The following LRMDA variants were observed in gnomAD, a reference collection of about 807,000 sequenced individuals.
The protein encoded by LRMDA is leucine rich melanocyte differentiation associated.
In LRMDA, 18 loss-of-function variants were observed where a neutral mutation model predicts 29.8. The observed-to-expected ratio is 0.60, with a 90% confidence interval of 0.42 to 0.90. The LOEUF (loss-of-function observed/expected upper bound fraction) is 0.90. Ranked by LOEUF, LRMDA falls within the 40% of genes least tolerant of loss-of-function variation. LRMDA has a pLI of 0.00. For missense variants in LRMDA, 273 were observed against 273.9 expected, an observed-to-expected ratio of 1.00 and a Z score of 0.02; for synonymous variants, 125 against 109.4, an observed-to-expected ratio of 1.14 and a Z score of -0.89.
At chr10:75,786,335 A>G (rs986748666) in intron 2 of LRMDA, among the ~76,000 whole-genome samples, 30 of 152,164 alleles carry the variant, frequency 2.0e-4, no homozygotes, top group Admixed American at 1.8e-3. Flanking sequence ...GGGCTCCAGA[A>G]CAAGTATCCA....
chr10:76,510,192 T>G (rs956502106), intron 6 of LRMDA, among the ~76,000 whole-genome samples: 4 of 152,092 alleles, frequency 2.6e-5, no homozygotes, highest in African/African-American at 9.7e-5. Context: ...TGCCTCAACC[T>G]CCTGAGTAGC....
At chr10:76,304,205 C>CA (rs1840520596) in intron 5 of LRMDA, among the ~76,000 whole-genome samples, 1 of 152,154 alleles carries the variant, frequency 6.6e-6, no homozygotes. Flanking sequence ...AAAGCTGAGC[C>CA]AAGCAGGTGC....
intron 6 of LRMDA, among the ~76,000 whole-genome samples, chr10:76,405,430 G>C (rs1589168742): frequency 1.3e-5 from 2 of 152,302 alleles, no homozygotes; most frequent in South Asian, 4.1e-4. Context: ...GTTCAGATGA[G>C]GGACAGGGGA....
intron 6 of LRMDA, among the ~76,000 whole-genome samples, chr10:76,453,280 A>G (rs1209157888): frequency 1.3e-5 from 2 of 152,290 alleles, no homozygotes; most frequent in East Asian, 3.9e-4. Context: ...CCATGCCAGT[A>G]CTAGTTTGGC....
At chr10:76,466,724 C>T (rs1335907206) in intron 6 of LRMDA, among the ~76,000 whole-genome samples, 1 of 151,984 alleles carries the variant, frequency 6.6e-6, no homozygotes, top group South Asian at 2.1e-4. Flanking sequence ...CCTGGGAGTT[C>T]GAGACTGCAG....
At chr10:75,854,010 T>C (rs974010188) in intron 2 of LRMDA, among the ~76,000 whole-genome samples, 3 of 152,196 alleles carry the variant, frequency 2.0e-5, no homozygotes, top group Admixed American at 2.0e-4. Flanking sequence ...TGGGCATTCC[T>C]TGCCTGGCAG....
intron 6 of LRMDA, among the ~76,000 whole-genome samples, chr10:76,422,355 AT>A (rs1290859964): frequency 2.0e-5 from 3 of 151,928 alleles, no homozygotes; most frequent in Non-Finnish European, 2.9e-5. Flanking sequence ...TTCTACACAT[AT>A]TTAGCTCAGC....
intron 2 of LRMDA, among the ~76,000 whole-genome samples, chr10:75,467,626 G>A (rs541586884): frequency 2.0e-4 from 30 of 152,240 alleles, no homozygotes; most frequent in African/African-American, 7.2e-4. Context: ...CCATGCTTGT[G>A]TGTGGATAAA....
At chr10:75,649,415 A>T (rs973259749) in intron 2 of LRMDA, among the ~76,000 whole-genome samples, 10 of 152,218 alleles carry the variant, frequency 6.6e-5, no homozygotes, top group African/African-American at 2.4e-4. Context: ...GAGTGTACAG[A>T]TACCTCTTCA....
At chr10:76,527,802 C>A (rs1843193585) in intron 6 of LRMDA, among the ~76,000 whole-genome samples, 1 of 152,098 alleles carries the variant, frequency 6.6e-6, no homozygotes, top group Non-Finnish European at 1.5e-5. Flanking sequence ...TATCCAAAAG[C>A]AATTTTTCTT....
chr10:75,850,741 A>C (rs892295794), intron 2 of LRMDA, among the ~76,000 whole-genome samples: 1 of 152,204 alleles, frequency 6.6e-6, no homozygotes, highest in Non-Finnish European at 1.5e-5. Flanking sequence ...AAATGCAGAC[A>C]ATCAGGATGG....
At chr10:76,350,715 A>G (rs1317685805) in intron 6 of LRMDA, among the ~76,000 whole-genome samples, 2 of 152,198 alleles carry the variant, frequency 1.3e-5, no homozygotes, top group Non-Finnish European at 2.9e-5. Flanking sequence ...TGCTGTCTTA[A>G]TATTATCCTA....
intron 6 of LRMDA, among the ~76,000 whole-genome samples, chr10:76,395,891 A>G (rs1841777986): frequency 6.6e-6 from 1 of 152,268 alleles, no homozygotes; most frequent in Non-Finnish European, 1.5e-5. Flanking sequence ...TATAAACTGC[A>G]TAACTGTAAG....
intron 2 of LRMDA, among the ~76,000 whole-genome samples, chr10:75,543,220 C>G (rs899145194): frequency 1.3e-5 from 2 of 152,210 alleles, no homozygotes; most frequent in African/African-American, 2.4e-5. Flanking sequence ...CATGTTCCCT[C>G]TCTCGCATGA....
chr10:75,952,736 G>T (rs1846597707), intron 2 of LRMDA, among the ~76,000 whole-genome samples: 1 of 152,100 alleles, frequency 6.6e-6, no homozygotes, highest in South Asian at 2.1e-4. Flanking sequence ...ATGTGTCTTG[G>T]AATATTTTTT....
chr10:75,980,129 A>C (rs1847140654), intron 2 of LRMDA, among the ~76,000 whole-genome samples: 1 of 152,130 alleles, frequency 6.6e-6, no homozygotes, highest in Non-Finnish European at 1.5e-5. Flanking sequence ...TGAGGTCTTC[A>C]CTCAAAGGGA....
intron 2 of LRMDA, among the ~76,000 whole-genome samples, chr10:75,925,540 G>T (rs1360861089): frequency 6.6e-6 from 1 of 152,080 alleles, no homozygotes; most frequent in Non-Finnish European, 1.5e-5. Flanking sequence ...TTTACATTTG[G>T]TTTAGTAGTT....
intron 2 of LRMDA, among the ~76,000 whole-genome samples, chr10:76,018,919 A>C (rs1384155422): frequency 6.6e-6 from 1 of 152,170 alleles, no homozygotes; most frequent in Non-Finnish European, 1.5e-5. Flanking sequence ...TCAATGCATA[A>C]TCTTACAGAT....
chr10:75,934,500 A>G (rs535411682), intron 2 of LRMDA, among the ~76,000 whole-genome samples: 1 of 152,286 alleles, frequency 6.6e-6, no homozygotes, highest in Admixed American at 6.5e-5. Context: ...GAAAAAGCTT[A>G]GATTTCTTCT....
Sources: allele counts gnomAD v4.1 joint callset (sites outside exome capture counted in the v4.1 genomes callset), GRCh38; gene constraint gnomAD v4.1.1; transcripts MANE v1.5; gene names NCBI Gene and HGNC (gene_info 2026-07-23, HGNC 2026-07-21).